Variants in IL1RAPL1 observed in about 807,000 individuals in gnomAD.
IL1RAPL1 encodes the protein interleukin 1 receptor accessory protein like 1, also known as interleukin-1 receptor accessory protein-like 1.
A neutral mutation model predicts 48.4 loss-of-function variants in IL1RAPL1; 3 were observed. That is an observed-to-expected ratio of 0.06 (90% CI 0.03 to 0.16). The LOEUF (loss-of-function observed/expected upper bound fraction) is 0.16. Among genes scored for constraint, IL1RAPL1 ranks in the 10% least tolerant of loss-of-function variants. The probability of loss-of-function intolerance (pLI) is 1.00; values close to 1 mark genes in which losing one functional copy is unlikely to be tolerated. For synonymous variants in IL1RAPL1, 185 were observed against 187.7 expected (o/e 0.99, Z 0.12); for missense variants, 349 against 530.6 (o/e 0.66, Z 3.36).
intron 6 of IL1RAPL1, among the ~76,000 whole-genome samples, chrX:29,679,395 G>A (rs1926381856): frequency 8.9e-6 from 1 of 111,802 alleles, no homozygotes; most frequent in Admixed American, 9.5e-5. Context: ...ATTAAAAGTT[G>A]TTACTACTTT....
At chrX:29,162,796 AG>A (rs1929712897) in intron 2 of IL1RAPL1, among the ~76,000 whole-genome samples, 1 of 111,053 alleles carries the variant, frequency 9.0e-6, no homozygotes, top group Non-Finnish European at 1.9e-5. Context: ...CACAGGGGCC[AG>A]GCATGGTGGC....
intron 2 of IL1RAPL1, among the ~76,000 whole-genome samples, chrX:28,798,505 A>G (rs894135571): frequency 8.9e-6 from 1 of 111,748 alleles, no homozygotes; most frequent in Non-Finnish European, 1.9e-5. Flanking sequence ...ACCCAGGACA[A>G]TCATTTCATC....
intron 6 of IL1RAPL1, among the ~76,000 whole-genome samples, chrX:29,885,751 C>T (rs1396659636): frequency 9.0e-6 from 1 of 111,416 alleles, no homozygotes; most frequent in Non-Finnish European, 1.9e-5. Context: ...CCCAGGTGTT[C>T]GAGGATGCAG....
chrX:28,914,931 C>T (rs1036432737), intron 2 of IL1RAPL1, among the ~76,000 whole-genome samples: 2 of 112,082 alleles, frequency 1.8e-5, no homozygotes, highest in Non-Finnish European at 3.8e-5. Flanking sequence ...ATATGAAAAT[C>T]CAGGTTTTAC....
At chrX:29,308,318 G>T (rs1056052602) in intron 3 of IL1RAPL1, among the ~76,000 whole-genome samples, 1 of 111,574 alleles carries the variant, frequency 9.0e-6, no homozygotes, top group African/African-American at 3.3e-5. Context: ...AAGACATCAT[G>T]CATTCCTAAA....
At chrX:29,810,356 A>AT (rs1234256136) in intron 6 of IL1RAPL1, among the ~76,000 whole-genome samples, 5 of 108,802 alleles carry the variant, frequency 4.6e-5, no homozygotes, top group African/African-American at 1.7e-4. Flanking sequence ...CGCCTGGTTA[A>AT]TTTTTTGTAT....
intron 2 of IL1RAPL1, among the ~76,000 whole-genome samples, chrX:29,199,478 G>A (rs757400032): frequency 3.6e-5 from 4 of 111,448 alleles, no homozygotes; most frequent in Non-Finnish European, 5.6e-5. Context: ...TTTTGGCACC[G>A]GGGACTGGTT....
intron 6 of IL1RAPL1, among the ~76,000 whole-genome samples, chrX:29,868,130 A>G (rs1452005210): frequency 8.9e-6 from 1 of 112,224 alleles, no homozygotes; most frequent in African/African-American, 3.2e-5. Context: ...AGGTTCCTCA[A>G]CGCATAATCC....
chrX:29,875,500 C>T (rs1931883472), intron 6 of IL1RAPL1, among the ~76,000 whole-genome samples: 3 of 111,502 alleles, frequency 2.7e-5, no homozygotes, highest in Non-Finnish European at 3.8e-5. Context: ...GAGCCCGCTA[C>T]AGATTTAACA....
chrX:29,444,127 A>G (rs1393147395), intron 5 of IL1RAPL1, among the ~76,000 whole-genome samples: 1 of 111,490 alleles, frequency 9.0e-6, no homozygotes, highest in Non-Finnish European at 1.9e-5. Context: ...GGATCACTTG[A>G]GATCAGGAGT....
intron 1 of IL1RAPL1, among the ~76,000 whole-genome samples, chrX:28,748,234 G>GT (rs1159638683): frequency 9.0e-6 from 1 of 111,726 alleles, no homozygotes; most frequent in Non-Finnish European, 1.9e-5. Context: ...TTTGCTGTCC[G>GT]TAAAATCAAA....
chrX:28,618,104 C>T (rs1934243217), intron 1 of IL1RAPL1, among the ~76,000 whole-genome samples: 1 of 111,733 alleles, frequency 8.9e-6, no homozygotes, highest in Non-Finnish European at 1.9e-5. Flanking sequence ...ATCTTTTTTT[C>T]ACACCTGTCT....
intron 6 of IL1RAPL1, among the ~76,000 whole-genome samples, chrX:29,706,397 G>A (rs1182810664): frequency 8.9e-6 from 1 of 111,767 alleles, no homozygotes; most frequent in African/African-American, 3.3e-5. Context: ...TCTGAGACAA[G>A]GCAAGTCTCT....
At chrX:28,606,741 C>G (rs1569137106) in intron 1 of IL1RAPL1, among the ~76,000 whole-genome samples, 1 of 111,211 alleles carries the variant, frequency 9.0e-6, no homozygotes, top group Non-Finnish European at 1.9e-5. Context: ...CCTGAGAGCT[C>G]CCTAAGAATT....
intron 2 of IL1RAPL1, among the ~76,000 whole-genome samples, chrX:29,140,964 A>G (rs1475145177): frequency 9.0e-6 from 1 of 111,334 alleles, no homozygotes; most frequent in Admixed American, 9.6e-5. Context: ...GCAGATGAGG[A>G]TAATAATAAA....
At chrX:28,978,664 T>C (rs1031934442) in intron 2 of IL1RAPL1, among the ~76,000 whole-genome samples, 1 of 111,840 alleles carries the variant, frequency 8.9e-6, no homozygotes, top group South Asian at 3.7e-4. Context: ...GAATTCAAAA[T>C]GTGACTAGTC....
chrX:28,661,441 A>G (rs1934820702), intron 1 of IL1RAPL1, among the ~76,000 whole-genome samples: 1 of 111,628 alleles, frequency 9.0e-6, no homozygotes, highest in South Asian at 3.7e-4. Context: ...ATTTTTGCAT[A>G]GTGGGAATTT....
chrX:29,823,151 A>G (rs768999113), intron 6 of IL1RAPL1, among the ~76,000 whole-genome samples: 4 of 111,940 alleles, frequency 3.6e-5, no homozygotes, highest in Non-Finnish European at 1.9e-5. Flanking sequence ...CATATGCATG[A>G]TAAGATTAAA....
intron 2 of IL1RAPL1, among the ~76,000 whole-genome samples, chrX:28,977,671 A>G (rs186758241): frequency 8.9e-6 from 1 of 112,636 alleles, no homozygotes; most frequent in East Asian, 2.8e-4. Context: ...TTGGGTTAAG[A>G]GAGAATTAAG....
Sources: gnomAD v4.1 joint callset for allele counts (sites outside exome capture counted in the v4.1 genomes callset) on GRCh38, gnomAD v4.1.1 for gene constraint, MANE v1.5 for transcripts, NCBI Gene and HGNC (gene_info 2026-07-23, HGNC 2026-07-21) for gene names.